Variants in CHODL observed in about 807,000 individuals in gnomAD.
CHODL encodes the protein chondrolectin, also known as transmembrane protein MT75.
Under a neutral mutation model 34.5 loss-of-function variants are expected in CHODL, and 29 were observed. The ratio of observed to expected loss-of-function variants is 0.84; its 90% CI spans 0.63 to 1.15. The LOEUF is 1.15. Among genes scored for constraint, CHODL ranks in the 50% most tolerant of loss-of-function variants. CHODL has a pLI of 0.00. For synonymous variants in CHODL, 125 were observed against 116.1 expected (o/e 1.08, Z -0.49); for missense variants, 332 against 332.5 (o/e 1.00, Z 0.01).
chr21:18,018,558 G>A (rs539880180), intron 1 of CHODL, among the ~76,000 whole-genome samples: 2 of 152,158 alleles, frequency 1.3e-5, no homozygotes, highest in African/African-American at 4.8e-5. Flanking sequence ...TCTGCCGTGA[G>A]TAAAAGCTTC....
intron 2 of CHODL, among the ~76,000 whole-genome samples, chr21:18,086,041 C>CTTTTTTTTTTT (rs3984977): frequency 1.8e-4 from 7 of 38,730 alleles, no homozygotes; most frequent in Non-Finnish European, 2.0e-4. Context: ...AGACTTTGTT[C>CTTTTTTTTTTT]TTTTTTTTTT....
chr21:18,016,456 G>A (rs2146419820), intron 1 of CHODL, among the ~76,000 whole-genome samples: 1 of 152,306 alleles, frequency 6.6e-6, no homozygotes, highest in South Asian at 2.1e-4. Flanking sequence ...TGATGTCCAG[G>A]CAGAAGAAAA....
chr21:18,190,533 A>G (rs994986785), intron 2 of CHODL, among the ~76,000 whole-genome samples: 7 of 152,242 alleles, frequency 4.6e-5, no homozygotes, highest in Admixed American at 2.6e-4. Context: ...ATTTTGCTGA[A>G]AATGTCTTAC....
chr21:17,998,319 C>T (rs774078434), intron 1 of CHODL, among the ~76,000 whole-genome samples: 33 of 152,192 alleles, frequency 2.2e-4, no homozygotes, highest in Admixed American at 3.3e-4. Context: ...TACAGTCTCT[C>T]TCCTGGCTGC....
Position 18,195,086 on chromosome 21 carries a change from T to G in CHODL, c.-44-61423T>G, listed in dbSNP as rs150530514. Among the ~76,000 whole-genome samples the G allele has an allele frequency of 1.4e-3, 212 of 151,832 alleles. 1 individual carries two copies. Among genetic ancestry groups the G allele is most frequent in the Middle Eastern group, 0.01 (3 of 292 alleles). ...TTATTTATTTTTGACATGGAGTCTCTCTCTGTCGCCCAGGCTGGAGTGCAG... is the reference window on the plus strand; with the variant it reads ...TTATTTATTTTTGACATGGAGTCTCGCTCTGTCGCCCAGGCTGGAGTGCAG... On this transcript the variant is annotated intron_variant, in intron 2 of 6. Transcript: ENST00000400127.
At chr21:18,056,484 T>C (rs1301841433) in intron 2 of CHODL, among the ~76,000 whole-genome samples, 3 of 151,584 alleles carry the variant, frequency 2.0e-5, no homozygotes, top group Non-Finnish European at 4.4e-5. Context: ...TTCTTTTTTT[T>C]TTTTTGTGGT....
At chr21:17,998,075 T>C (rs2043644750) in intron 1 of CHODL, among the ~76,000 whole-genome samples, 1 of 152,232 alleles carries the variant, frequency 6.6e-6, no homozygotes, top group Admixed American at 6.5e-5. Flanking sequence ...AGCTAGTTAC[T>C]TCCTAGATAC....
intron 1 of CHODL, among the ~76,000 whole-genome samples, chr21:17,948,886 G>A (rs197581): frequency 0.76 from 115,581 of 152,028 alleles, 44,542 homozygotes; most frequent in East Asian, 0.91. Context: ...AGAGGTAGAA[G>A]TTCTTCGAGA....
intron 2 of CHODL, among the ~76,000 whole-genome samples, chr21:18,234,813 G>T (rs2074014301): frequency 6.6e-6 from 1 of 152,070 alleles, no homozygotes; most frequent in African/African-American, 2.4e-5. Context: ...ACATGGTTCT[G>T]GTTCTGGGTT....
chr21:17,958,866 TGG>T (rs2063511819), intron 1 of CHODL, among the ~76,000 whole-genome samples: 1 of 151,948 alleles, frequency 6.6e-6, no homozygotes, highest in Non-Finnish European at 1.5e-5. Context: ...TGGTCCAGAG[TGG>T]TTCAGTGTAT....
intron 2 of CHODL, among the ~76,000 whole-genome samples, chr21:18,185,458 C>A (rs1225953638): frequency 6.6e-6 from 1 of 152,108 alleles, no homozygotes; most frequent in Non-Finnish European, 1.5e-5. Context: ...GTCTTTTCTA[C>A]CTGTGAACAC....
intron 1 of CHODL, chr21:18,245,995 G>T: frequency 7.0e-7 from 1 of 1,432,402 alleles, no homozygotes; most frequent in Non-Finnish European, 9.5e-7. Context: ...AGTCGGTCGA[G>T]TCAGTGCATG....
At chr21:17,953,681 G>A (rs1053913332) in intron 1 of CHODL, among the ~76,000 whole-genome samples, 1 of 152,086 alleles carries the variant, frequency 6.6e-6, no homozygotes, top group Non-Finnish European at 1.5e-5. Context: ...TAGAGATAGA[G>A]ATTAAACAAA....
At position 17,918,214 on chromosome 21, in the gene CHODL, A is replaced by AT. The variant is rs200120855; in HGVS notation, c.-145+820dup. ...TGAAATATTTTATTTCATATATTTT[A>AT]TTTTTTACTGTTTACTTGCTCTCTG... On this transcript the variant is annotated intron_variant, in intron 1 of 6. Transcript: ENST00000400127. 7.9e-3 allele frequency among the ~76,000 whole-genome samples: 1,206 copies of AT among 151,986 alleles called. 18 individuals are homozygous for AT. The highest frequency in any genetic ancestry group is 0.027 in the African/African-American group (1,120 of 41,434).
intron 2 of CHODL, among the ~76,000 whole-genome samples, chr21:18,148,830 A>G (rs1000534293): frequency 6.6e-6 from 1 of 151,992 alleles, no homozygotes; most frequent in South Asian, 2.1e-4. Flanking sequence ...ATTCAAATGG[A>G]AATTTATTTC....
At position 18,189,216 on chromosome 21, in the gene CHODL, G is replaced by T. The variant is rs117516641; in HGVS notation, c.-44-67293G>T. ...TGACTAACTTTCATTTCTCAGTGTA[G>T]CGGAATCCCTTAAATCCAGAAATTT... On this transcript the variant is annotated intron_variant, in intron 2 of 6. Transcript: ENST00000400127. Among the ~76,000 whole-genome samples, 20 of 152,238 alleles carry T rather than the reference G, an allele frequency of 1.3e-4. No individual in the cohort carries two copies. In the East Asian group the frequency reaches 3.9e-3, roughly 29 times the overall value.
At chr21:18,260,712 C>T (rs1375846147) in intron 4 of CHODL, among the ~76,000 whole-genome samples, 1 of 152,072 alleles carries the variant, frequency 6.6e-6, no homozygotes, top group Non-Finnish European at 1.5e-5. Context: ...TACTGGGAAG[C>T]TGAGGTGGGA....
intron 2 of CHODL, among the ~76,000 whole-genome samples, chr21:18,204,013 C>T (rs1255705940): frequency 6.6e-6 from 1 of 152,120 alleles, no homozygotes; most frequent in Non-Finnish European, 1.5e-5. Context: ...AATAACCTAA[C>T]ATAGTGTCTT....
Position 18,267,282 on chromosome 21 carries a change from G to GTTC in CHODL, c.*1249_*1251dup, listed in dbSNP as rs371799475. The stretch of plus-strand genomic sequence containing the variant: ...CTAGTTTCTTCAATGCTTACGCCTT[G>GTTC]TTCTTCTCAAGAGAAAGTTGTAACT... On this transcript the variant is annotated 3_prime_UTR_variant, in exon 6 of 6. Transcript: ENST00000299295. 1.6e-4 allele frequency: 24 copies of GTTC among 152,252 alleles called. No individual in the cohort carries two copies. The highest frequency in any genetic ancestry group is 5.5e-4 in the African/African-American group (23 of 41,562). 9.4% of individuals were successfully genotyped at this position (152,252 alleles called of 1,614,324 possible).
Sources: allele counts gnomAD v4.1 joint callset (sites outside exome capture counted in the v4.1 genomes callset), GRCh38; gene constraint gnomAD v4.1.1; transcripts MANE v1.5; gene names NCBI Gene and HGNC (gene_info 2026-07-23, HGNC 2026-07-21).